The following PDE1C variants were observed in gnomAD, a reference collection of about 807,000 sequenced individuals.
PDE1C encodes dual specificity calcium/calmodulin-dependent 3',5'-cyclic nucleotide phosphodiesterase 1C.
A neutral mutation model predicts 93.1 loss-of-function variants in PDE1C; 62 were observed. The ratio of observed to expected loss-of-function variants is 0.67; its 90% CI spans 0.54 to 0.82. The LOEUF (loss-of-function observed/expected upper bound fraction) is 0.82, where lower values mean the gene tolerates loss of function less well. Among genes scored for constraint, PDE1C ranks in the 40% least tolerant of loss-of-function variants. The pLI is 0.00. For synonymous variants in PDE1C, 325 were observed against 310.1 expected (o/e 1.05, Z -0.50); for missense variants, 742 against 884.6 (o/e 0.84, Z 2.04).
intron 2 of PDE1C, among the ~76,000 whole-genome samples, chr7:32,049,907 A>G (rs1406731119): frequency 1.3e-5 from 2 of 152,204 alleles, no homozygotes; most frequent in African/African-American, 4.8e-5. Flanking sequence ...TCCTTAGGCA[A>G]TATTGACATT....
intron 2 of PDE1C, among the ~76,000 whole-genome samples, chr7:31,986,584 A>T (rs1169907560): frequency 1.3e-5 from 2 of 152,120 alleles, no homozygotes; most frequent in Non-Finnish European, 2.9e-5. Flanking sequence ...AATAACTGAT[A>T]TCCTAATAAG....
In PDE1C at chr7:32,050,328, A is replaced by G. The variant is rs920812988; in HGVS notation, c.128+1226T>C. 5.3e-5 allele frequency among the ~76,000 whole-genome samples: 8 copies of G among 152,186 alleles called. No individual in the cohort carries two copies. In the South Asian group the frequency reaches 1.7e-3, roughly 32 times the overall value. On this transcript the variant is annotated intron_variant, in intron 2 of 17. Transcript: ENST00000396191. ...GATCAGCTGGACCTTTAGAATCCCA[A>G]CTTTGATGGAGAGTCATAGCTAAGT...
At chr7:32,231,536 C>A (rs948494230) in intron 1 of PDE1C, among the ~76,000 whole-genome samples, 8 of 151,742 alleles carry the variant, frequency 5.3e-5, no homozygotes, top group African/African-American at 1.9e-4. Context: ...ATTTATCCAC[C>A]AAAGGAAAAA....
At chr7:32,107,216 T>C (rs1798368684) in intron 3 of PDE1C, among the ~76,000 whole-genome samples, 1 of 146,146 alleles carries the variant, frequency 6.8e-6, no homozygotes, top group South Asian at 2.1e-4. Flanking sequence ...AATATATGTG[T>C]AGCAAGAATA....
At position 32,307,255 on chromosome 7, in the gene PDE1C, T is replaced by C. The variant is rs565867745; in HGVS notation, c.311-97716A>G. Among the ~76,000 whole-genome samples, 109 of 152,248 alleles carry C rather than the reference T, an allele frequency of 7.2e-4. 1 individual carries two copies. Among genetic ancestry groups the C allele is most frequent in the South Asian group, 5.2e-3 (25 of 4,816 alleles). Reference sequence around the variant, plus strand: ...TGTGGAGTTTTGGCCTATGGAGTTATTCAGGGACTAAGCTGGCTCTCATCT... The same window carrying C: ...TGTGGAGTTTTGGCCTATGGAGTTACTCAGGGACTAAGCTGGCTCTCATCT... On this transcript the variant is annotated intron_variant, in intron 1 of 1. Transcript: ENST00000672256.
chr7:31,903,380 C>T (rs1375920501), intron 2 of PDE1C, among the ~76,000 whole-genome samples: 1 of 151,784 alleles, frequency 6.6e-6, no homozygotes, highest in East Asian at 1.9e-4. Context: ...TCAAGAGATC[C>T]TATTTTTACA....
In PDE1C at chr7:32,017,284, C is replaced by T. The variant is rs185963252; in HGVS notation, c.128+34270G>A. ...AAGAAATGGTACTGGCTGGGACAAG[C>T]GAACATCTGTACACAAAAGAATGAA... On this transcript the variant is annotated intron_variant, in intron 2 of 17. Coordinates refer to ENST00000396191, the MANE Select transcript of PDE1C (RefSeq NM_001191057.4). Among the ~76,000 whole-genome samples, 22 of 152,078 alleles carry T rather than the reference C, an allele frequency of 1.4e-4. No individual in the cohort carries two copies. In the East Asian group the frequency reaches 1.5e-3, roughly 11 times the overall value.
chr7:32,354,531 C>T (rs374397387), intron 1 of PDE1C, among the ~76,000 whole-genome samples: 19 of 152,110 alleles, frequency 1.2e-4, no homozygotes, highest in East Asian at 1.2e-3. Flanking sequence ...CTTAGGAGGC[C>T]GAGACTGCAA....
At chr7:31,792,107 C>T (rs962124632) in intron 16 of PDE1C, among the ~76,000 whole-genome samples, 11 of 152,204 alleles carry the variant, frequency 7.2e-5, no homozygotes, top group South Asian at 2.1e-4. Context: ...GGGTCTGTGA[C>T]GTGATGACCT....
chr7:31,800,963 A>T (rs1785938775), intron 16 of PDE1C, among the ~76,000 whole-genome samples: 1 of 151,244 alleles, frequency 6.6e-6, no homozygotes, highest in Non-Finnish European at 1.5e-5. Context: ...GTGAATGAAA[A>T]TGCAGCATAT....
chr7:31,700,695 A>C, the PDE1C span, among the ~76,000 whole-genome samples: 1 of 152,072 alleles, frequency 6.6e-6, no homozygotes, highest in Admixed American at 6.6e-5. Flanking sequence ...GGACAGGCCA[A>C]CTCTCTTGTT....
the PDE1C span, among the ~76,000 whole-genome samples, chr7:31,739,169 C>T: frequency 2.0e-5 from 3 of 148,360 alleles, no homozygotes; most frequent in Non-Finnish European, 3.0e-5. Context: ...TTCACTAAAA[C>T]GTCAGTGATT....
chr7:31,791,767 A>G (rs1447499737), intron 16 of PDE1C, among the ~76,000 whole-genome samples: 1 of 152,118 alleles, frequency 6.6e-6, no homozygotes, highest in Non-Finnish European at 1.5e-5. Context: ...CTGGCCAACA[A>G]GGAGAATGAT....
At chr7:31,798,728 T>C (rs1395987963) in intron 16 of PDE1C, among the ~76,000 whole-genome samples, 2 of 151,726 alleles carry the variant, frequency 1.3e-5, no homozygotes, top group Non-Finnish European at 3.0e-5. Flanking sequence ...GGGTATAAGA[T>C]TCATTCAAAT....
intron 2 of PDE1C, among the ~76,000 whole-genome samples, chr7:32,011,010 C>CA (rs1399081406): frequency 6.6e-6 from 1 of 151,618 alleles, no homozygotes; most frequent in East Asian, 1.9e-4. Context: ...ACAATCCATA[C>CA]AAAAAAAGAA....
intron 1 of PDE1C, among the ~76,000 whole-genome samples, chr7:32,412,119 T>C (rs1462027255): frequency 6.6e-6 from 1 of 152,068 alleles, no homozygotes; most frequent in Non-Finnish European, 1.5e-5. Context: ...AACTTTATTT[T>C]TAATAAGTAG....
intron 3 of PDE1C, among the ~76,000 whole-genome samples, chr7:32,150,484 TC>T (rs1801174431): frequency 6.6e-6 from 1 of 152,066 alleles, no homozygotes; most frequent in Non-Finnish European, 1.5e-5. Flanking sequence ...AAGATGATCT[TC>T]CAAGATGACA....
intron 2 of PDE1C, among the ~76,000 whole-genome samples, chr7:32,003,588 T>C (rs1563175804): frequency 6.6e-6 from 1 of 152,250 alleles, no homozygotes; most frequent in Non-Finnish European, 1.5e-5. Context: ...GGGAGTTAAT[T>C]ACTTCATTAC....
At chr7:32,297,721 G>A (rs964907196) in intron 1 of PDE1C, among the ~76,000 whole-genome samples, 1 of 152,116 alleles carries the variant, frequency 6.6e-6, no homozygotes, top group African/African-American at 2.4e-5. Context: ...GAAAACAGGA[G>A]CCACTGGGAG....
Sources: allele counts gnomAD v4.1 joint callset (sites outside exome capture counted in the v4.1 genomes callset), GRCh38; gene constraint gnomAD v4.1.1; transcripts MANE v1.5; gene names NCBI Gene and HGNC (gene_info 2026-07-23, HGNC 2026-07-21).